ATP6V0A4: variants seen among roughly 807,000 people sequenced by gnomAD.
The protein encoded by ATP6V0A4 is ATPase H+ transporting V0 subunit a4.
ATP6V0A4 carries 86 observed loss-of-function variants against 107.3 expected under a neutral mutation model. The ratio of observed to expected loss-of-function variants is 0.80; its 90% confidence interval spans 0.67 to 0.96. The LOEUF (loss-of-function observed/expected upper bound fraction) is 0.96, where lower values mean the gene tolerates loss of function less well. Among genes scored for constraint, ATP6V0A4 ranks in the 40% least tolerant of loss-of-function variants. The pLI is 0.00. For missense variants in ATP6V0A4, 908 were observed against 1,045.6 expected, an observed-to-expected ratio of 0.87 and a Z score of 1.81; for synonymous variants, 353 against 381.4, an observed-to-expected ratio of 0.93 and a Z score of 0.87.
chr7:138,706,689 C>T lies in ATP6V0A4; in HGVS notation c.2458G>A (p.Gly820Arg), dbSNP rs267606671. 121 of 1,613,592 alleles carry T rather than the reference C, an allele frequency of 7.5e-5. No individual in the cohort carries two copies. Among genetic ancestry groups the T allele is most frequent in the Non-Finnish European group, 1.0e-4 (118 of 1,179,888 alleles). Reference protein sequence around the residue: ...WVEFQNKFYVGDGYKFSPFSF... With the variant: ...WVEFQNKFYVRDGYKFSPFSF... ...AATGGAGAAAACTTGTAACCATCCC[C>T]GACATAGAACTTGTTCTGGAACTCA... Residue 820 changes from glycine (G) to arginine (R), a missense_variant, in exon 22 of 22, where the codon GGG becomes AGG. Coordinates refer to ENST00000310018, the MANE Select transcript of ATP6V0A4 (RefSeq NM_020632.3).
Position 138,759,687 on chromosome 7 carries a change from C to G in ATP6V0A4, c.639+65G>C, listed in dbSNP as rs13230648. The G allele has an allele frequency of 6.4e-6, 10 of 1,565,774 alleles. No individual in the cohort carries two copies. The South Asian group carries it at 7.8e-5, about 12-fold the overall frequency. On this transcript the variant is annotated intron_variant, in intron 8 of 21. Transcript: ENST00000310018. ...AAAGATCCCCCATGTTTTGGGAGAA[C>G]GAAGCGCTTCTGCTGAGGGCTATGG... is the stretch of plus-strand genomic sequence containing the variant.
intron 2 of ATP6V0A4, among the ~76,000 whole-genome samples, chr7:138,771,580 A>C (rs1807393865): frequency 6.6e-6 from 1 of 151,896 alleles, no homozygotes; most frequent in African/African-American, 2.4e-5. Context: ...CTGATTCTAA[A>C]AACAAGATAG....
chr7:138,784,734 C>T (rs1808104803), intron 2 of ATP6V0A4, among the ~76,000 whole-genome samples: 1 of 152,204 alleles, frequency 6.6e-6, no homozygotes, highest in Non-Finnish European at 1.5e-5. Flanking sequence ...AATCAATCCT[C>T]TATATTATCC....
intron 11 of ATP6V0A4, among the ~76,000 whole-genome samples, chr7:138,751,871 C>T (rs765096059): frequency 4.6e-5 from 7 of 152,028 alleles, no homozygotes; most frequent in Non-Finnish European, 7.4e-5. Context: ...GGCATGGTGG[C>T]GCGTGCCTGT....
chr7:138,785,821 A>C (rs1220755721), intron 2 of ATP6V0A4, among the ~76,000 whole-genome samples: 1 of 152,222 alleles, frequency 6.6e-6, no homozygotes, highest in African/African-American at 2.4e-5. Flanking sequence ...TTCATGAATC[A>C]GCACACTGAG....
chr7:138,741,428 C>T (rs1805629304), intron 14 of ATP6V0A4, among the ~76,000 whole-genome samples: 2 of 152,152 alleles, frequency 1.3e-5, no homozygotes, highest in Non-Finnish European at 2.9e-5. Context: ...TTTGTGTGTT[C>T]ATAAAGGGAA....
chr7:138,746,243 G>A (rs549437791), intron 13 of ATP6V0A4, among the ~76,000 whole-genome samples: 90 of 151,324 alleles, frequency 5.9e-4, no homozygotes, highest in Admixed American at 4.0e-4. Flanking sequence ...CTCATTTTGC[G>A]TCTTGTCATT....
At chr7:138,751,383 G>C (rs1477632883) in intron 11 of ATP6V0A4, among the ~76,000 whole-genome samples, 1 of 152,096 alleles carries the variant, frequency 6.6e-6, no homozygotes, top group Non-Finnish European at 1.5e-5. Context: ...AAAAACAGCT[G>C]TCAAGCCCGT....
chr7:138,795,935 G>A (rs979001847), intron 1 of ATP6V0A4, among the ~76,000 whole-genome samples: 6 of 152,156 alleles, frequency 3.9e-5, no homozygotes, highest in African/African-American at 9.7e-5. Context: ...GATGACAGGC[G>A]TGTGCCAATA....
chr7:138,713,152 A>T (rs1237940794), intron 20 of ATP6V0A4, among the ~76,000 whole-genome samples: 1 of 151,782 alleles, frequency 6.6e-6, no homozygotes, highest in Non-Finnish European at 1.5e-5. Flanking sequence ...AAAAAAAAAA[A>T]AAATTAGCTG....
At chr7:138,753,764 T>G (rs991558710) in intron 10 of ATP6V0A4, among the ~76,000 whole-genome samples, 1 of 152,172 alleles carries the variant, frequency 6.6e-6, no homozygotes. Context: ...CAATACTACC[T>G]GTCACTTTGC....
intron 1 of ATP6V0A4, among the ~76,000 whole-genome samples, chr7:138,797,134 C>G (rs1281939582): frequency 6.6e-6 from 1 of 151,944 alleles, no homozygotes; most frequent in African/African-American, 2.4e-5. Context: ...GTCCCTCTAC[C>G]TATAATGCCA....
chr7:138,784,444 G>A (rs993543000), intron 2 of ATP6V0A4, among the ~76,000 whole-genome samples: 2 of 149,826 alleles, frequency 1.3e-5, no homozygotes, highest in Non-Finnish European at 3.0e-5. Flanking sequence ...TCAGCCTCCC[G>A]AGTAGCTGGG....
intron 10 of ATP6V0A4, among the ~76,000 whole-genome samples, chr7:138,755,281 C>T (rs1806450379): frequency 6.6e-6 from 1 of 152,188 alleles, no homozygotes; most frequent in South Asian, 2.1e-4. Flanking sequence ...ACTGTTTTTA[C>T]AGAATTAACC....
chr7:138,769,001 A>G, intron 4 of ATP6V0A4, 127 bp from the exon 5 acceptor site: 1 of 1,571,374 alleles, frequency 6.4e-7, no homozygotes, highest in South Asian at 1.1e-5. Flanking sequence ...GAGCTGCCAC[A>G]GCACCTGGAT....
chr7:138,776,614 G>C (rs1003093623), intron 2 of ATP6V0A4, among the ~76,000 whole-genome samples: 5 of 152,116 alleles, frequency 3.3e-5, no homozygotes, highest in African/African-American at 7.2e-5. Flanking sequence ...GCAGGTGTTT[G>C]CTTTGTCTCC....
At chr7:138,720,549 A>G (rs1282586465) in intron 19 of ATP6V0A4, among the ~76,000 whole-genome samples, 1 of 152,200 alleles carries the variant, frequency 6.6e-6, no homozygotes, top group Non-Finnish European at 1.5e-5. Flanking sequence ...GGTAATGTCA[A>G]CAGCCACTAC....
intron 2 of ATP6V0A4, among the ~76,000 whole-genome samples, chr7:138,782,516 A>AG (rs1440910595): frequency 6.6e-6 from 1 of 152,236 alleles, no homozygotes; most frequent in Non-Finnish European, 1.5e-5. Context: ...AGGGAGAGGC[A>AG]GTGGAGGTCC....
At chr7:138,728,888 C>G in intron 17 of ATP6V0A4, 26 bp from the exon 18 acceptor site, 1 of 1,613,828 alleles carries the variant, frequency 6.2e-7, no homozygotes, top group Non-Finnish European at 8.5e-7. Context: ...GGCGAGATCT[C>G]ATCATTTTCA....
Sources: allele counts gnomAD v4.1 joint callset (sites outside exome capture counted in the v4.1 genomes callset), GRCh38; gene constraint gnomAD v4.1.1; transcripts MANE v1.5; gene names NCBI Gene and HGNC (gene_info 2026-07-23, HGNC 2026-07-21).